The following ATP2C2 variants were observed in gnomAD, a reference collection of about 807,000 sequenced individuals.
ATP2C2 encodes calcium-transporting ATPase type 2C member 2.
In ATP2C2, 171 loss-of-function variants were observed where a neutral mutation model predicts 110.8. The observed-to-expected ratio is 1.54, with a 90% CI of 1.36 to 1.75. The LOEUF (loss-of-function observed/expected upper bound fraction) is 1.75. Ranked by LOEUF, ATP2C2 falls within the 40% of genes most tolerant of loss-of-function variation. The pLI is 0.00. For missense variants in ATP2C2, 1,963 were observed against 1,235.0 expected (o/e 1.59, Z -8.84); for synonymous variants, 804 against 508.4 (o/e 1.58, Z -7.82).
chr16:84,445,312 G>A (rs1045076259), intron 15 of ATP2C2, among the ~76,000 whole-genome samples: 7 of 151,606 alleles, frequency 4.6e-5, no homozygotes, highest in South Asian at 2.1e-4. Context: ...AGGTTCAAGC[G>A]ATTCTCCTGC....
At chr16:84,426,891 C>T (rs901590439) in intron 11 of ATP2C2, among the ~76,000 whole-genome samples, 8 of 152,292 alleles carry the variant, frequency 5.3e-5, no homozygotes, top group Middle Eastern at 3.4e-3. Flanking sequence ...ATCCCAAGCC[C>T]CTGGGTCCTG....
chr16:84,426,057 A>G (rs1907787839), intron 11 of ATP2C2: 1 of 460,374 alleles, frequency 2.2e-6, no homozygotes, highest in African/African-American at 2.0e-5. Flanking sequence ...TTGCTAAAAA[A>G]AAAAAAAATA....
intron 2 of ATP2C2, chr16:84,404,860 G>A (rs543774418): frequency 1.0e-5 from 5 of 487,994 alleles, no homozygotes; most frequent in South Asian, 7.0e-5. Context: ...TGCATTTCTG[G>A]AAGTCTATGC....
intron 18 of ATP2C2, 125 bp from the exon 19 acceptor site, chr16:84,453,013 G>C (rs1464116285): frequency 3.2e-6 from 3 of 931,534 alleles, no homozygotes; most frequent in African/African-American, 3.3e-5. Flanking sequence ...CAGCATGGTA[G>C]GTCCTCAGTA....
intron 24 of ATP2C2, 80 bp from the exon 25 acceptor site, chr16:84,461,634 G>C: frequency 7.7e-7 from 1 of 1,296,042 alleles, no homozygotes; most frequent in Non-Finnish European, 1.1e-6. Flanking sequence ...CAGGAGCAGT[G>C]AGGCAGGCCT....
At chr16:84,417,991 G>A (rs1382163578) in intron 7 of ATP2C2, among the ~76,000 whole-genome samples, 2 of 152,158 alleles carry the variant, frequency 1.3e-5, no homozygotes, top group Non-Finnish European at 2.9e-5. Context: ...AGACCTTTTT[G>A]CACAGTATAT....
At chr16:84,423,162 C>G in intron 9 of ATP2C2, 26 bp from the exon 10 acceptor site, 1 of 1,603,816 alleles carries the variant, frequency 6.2e-7, no homozygotes, top group Non-Finnish European at 8.5e-7. Context: ...TCTTGTCCAA[C>G]TAACCCATTG....
At chr16:84,448,723 G>C (rs1231040737) in intron 17 of ATP2C2, 34 bp downstream of exon 17, 1 of 1,586,830 alleles carries the variant, frequency 6.3e-7, no homozygotes, top group African/African-American at 1.4e-5. Context: ...AGAGCTTTAA[G>C]CTTGCATGTA....
chr16:84,382,154 G>T (rs753933294), intron 1 of ATP2C2, among the ~76,000 whole-genome samples: 5 of 151,914 alleles, frequency 3.3e-5, no homozygotes, highest in Non-Finnish European at 7.4e-5. Flanking sequence ...CCCCCTGACA[G>T]GCCCCGGTGT....
intron 1 of ATP2C2, among the ~76,000 whole-genome samples, chr16:84,395,288 G>T (rs538295295): frequency 6.6e-6 from 1 of 152,074 alleles, no homozygotes; most frequent in South Asian, 2.1e-4. Flanking sequence ...CTCCCCTCCA[G>T]TGTCACTGCA....
chr16:84,389,809 C>T (rs1171522069), intron 1 of ATP2C2, among the ~76,000 whole-genome samples: 1 of 151,866 alleles, frequency 6.6e-6, no homozygotes, highest in Admixed American at 6.6e-5. Context: ...CAACCTCTGC[C>T]TCCTGGGTCC....
At chr16:84,453,520 C>A in intron 20 of ATP2C2, 149 bp downstream of exon 20, 1 of 1,074,976 alleles carries the variant, frequency 9.3e-7, no homozygotes, top group Non-Finnish European at 1.4e-6. Flanking sequence ...CCGGGAGTTA[C>A]CTTTTCATAG....
At chr16:84,455,716 C>T (rs1017864230) in intron 21 of ATP2C2, among the ~76,000 whole-genome samples, 6 of 148,922 alleles carry the variant, frequency 4.0e-5, no homozygotes, top group African/African-American at 1.5e-4. Context: ...GGTGTCTCCA[C>T]AGTTGATTCG....
intron 1 of ATP2C2, among the ~76,000 whole-genome samples, chr16:84,374,840 G>C (rs943597112): frequency 6.6e-6 from 1 of 152,138 alleles, no homozygotes. Context: ...AGTTATGAAA[G>C]ACCCGAGAGT....
intron 2 of ATP2C2, among the ~76,000 whole-genome samples, chr16:84,404,141 C>T (rs1471248118): frequency 1.3e-5 from 2 of 152,230 alleles, no homozygotes; most frequent in Admixed American, 6.5e-5. Context: ...TCCCCACGTT[C>T]AGGTACGTGA....
chr16:84,462,974 G>A (rs985316803), intron 26 of ATP2C2: 1 of 154,036 alleles, frequency 6.5e-6, no homozygotes, highest in East Asian at 1.9e-4. Context: ...AAAAAGCAGT[G>A]TCAGTGTGGG....
intron 1 of ATP2C2, among the ~76,000 whole-genome samples, chr16:84,370,010 C>A (rs544634909): frequency 3.3e-5 from 5 of 152,198 alleles, no homozygotes; most frequent in Non-Finnish European, 7.3e-5. Flanking sequence ...TCACAGGTTG[C>A]CTTTCCTATG....
Position 84,446,765 on chromosome 16 carries a change from G to C in ATP2C2, c.1503+335G>C, listed in dbSNP as rs75695142. Among the ~76,000 whole-genome samples the C allele has an allele frequency of 5.9e-5, 9 of 152,290 alleles. No homozygotes were observed. The East Asian group carries it at 1.7e-3, about 29-fold the overall frequency. On this transcript the variant is annotated intron_variant, in intron 16 of 26. Transcript: ENST00000262429. ...TGGGACCCAGTAACCTTCATTTTCT[G>C]CAGATTCTGATGCAGGTGCAAATGT...
At chr16:84,388,805 C>G (rs1158408849) in intron 1 of ATP2C2, among the ~76,000 whole-genome samples, 2 of 152,164 alleles carry the variant, frequency 1.3e-5, no homozygotes, top group South Asian at 4.1e-4. Flanking sequence ...TGGAGTCTCG[C>G]TCTGTTGCCA....
Sources: allele counts gnomAD v4.1 joint callset (sites outside exome capture counted in the v4.1 genomes callset), GRCh38; gene constraint gnomAD v4.1.1; transcripts MANE v1.5; gene names NCBI Gene and HGNC (gene_info 2026-07-23, HGNC 2026-07-21).